PLXDC2: variants seen among roughly 807,000 people sequenced by gnomAD.
PLXDC2 encodes plexin domain-containing protein 2.
Under a neutral mutation model 68.9 loss-of-function variants are expected in PLXDC2, and 40 were observed. The ratio of observed to expected loss-of-function variants is 0.58; its 90% CI spans 0.45 to 0.76. PLXDC2 has a LOEUF of 0.76. Among genes scored for constraint, PLXDC2 ranks in the 30% least tolerant of loss-of-function variants. The probability of loss-of-function intolerance (pLI) is 0.00; values close to 1 mark genes in which losing one functional copy is unlikely to be tolerated. For synonymous variants in PLXDC2, 243 were observed against 234.2 expected (o/e 1.04, Z -0.34); for missense variants, 644 against 661.9 (o/e 0.97, Z 0.30).
At chr10:19,894,630 C>T (rs188674142) in intron 1 of PLXDC2, among the ~76,000 whole-genome samples, 19 of 152,204 alleles carry the variant, frequency 1.2e-4, no homozygotes, top group Admixed American at 1.2e-3. Flanking sequence ...AATGTTACAT[C>T]AGCACTATCA....
intron 1 of PLXDC2, among the ~76,000 whole-genome samples, chr10:19,920,906 T>A (rs1833452136): frequency 2.0e-5 from 3 of 151,896 alleles, no homozygotes; most frequent in Non-Finnish European, 4.4e-5. Context: ...TTGTATGATT[T>A]TTATTATTTT....
intron 13 of PLXDC2, among the ~76,000 whole-genome samples, chr10:20,274,378 G>T (rs1256892889): frequency 6.6e-6 from 1 of 152,180 alleles, no homozygotes; most frequent in African/African-American, 2.4e-5. Context: ...AACCCTAGAA[G>T]AGAGCTGATC....
intron 4 of PLXDC2, among the ~76,000 whole-genome samples, chr10:20,098,751 C>T (rs1035314478): frequency 1.3e-5 from 2 of 152,106 alleles, no homozygotes; most frequent in Admixed American, 6.6e-5. Context: ...CTCTACACTC[C>T]GTGCAGCCCT....
Position 20,096,682 on chromosome 10 carries a change from G to T in PLXDC2, c.541+28443G>T, listed in dbSNP as rs533636653. Among the ~76,000 whole-genome samples, 11 of 152,136 alleles carry T rather than the reference G, an allele frequency of 7.2e-5. No homozygotes were observed. In the South Asian group the frequency reaches 2.3e-3, roughly 32 times the overall value. On this transcript the variant is annotated intron_variant, in intron 4 of 13. Transcript: ENST00000377252. ...AATAATTTAGGCCTAAGGACCTCAA[G>T]CTTATATTCTATATGAATTATTAAT... is the stretch of plus-strand genomic sequence containing the variant.
Position 19,816,898 on chromosome 10 carries a change from A to G in PLXDC2, c.-182A>G. The G allele has an allele frequency of 1.7e-6, 1 of 600,010 alleles. No individual in the cohort carries two copies. Among genetic ancestry groups the G allele is most frequent in the Non-Finnish European group, 3.0e-6 (1 of 337,968 alleles). The allele number at this position is 600,010 out of a possible 1,614,324, so 37.2% of individuals were successfully genotyped here. A position where few individuals can be genotyped will look rare whatever the true frequency, so the allele number is the denominator to read the frequency against. ...GAGGTCCGAAGAGCGCTGCGCTCCT[A>G]CTCGCGTTCGCTTCTTCCTCTTCTC... On this transcript the variant is annotated 5_prime_UTR_variant, in exon 1 of 14. Coordinates refer to ENST00000377252, the MANE Select transcript of PLXDC2 (RefSeq NM_032812.9).
chr10:20,017,106 G>T (rs1835225873), intron 2 of PLXDC2, among the ~76,000 whole-genome samples: 1 of 152,130 alleles, frequency 6.6e-6, no homozygotes, highest in African/African-American at 2.4e-5. Flanking sequence ...GAGATAAATA[G>T]AGAGAGAGAA....
chr10:19,841,428 C>A (rs1589495263), intron 1 of PLXDC2, among the ~76,000 whole-genome samples: 1 of 151,184 alleles, frequency 6.6e-6, no homozygotes, highest in African/African-American at 2.4e-5. Context: ...GAAGGCAATT[C>A]TGTTCATTAT....
intron 1 of PLXDC2, among the ~76,000 whole-genome samples, chr10:19,875,548 A>G (rs1837615731): frequency 6.6e-6 from 1 of 152,236 alleles, no homozygotes; most frequent in African/African-American, 2.4e-5. Context: ...TTAGCTAGAA[A>G]ATAAAAGATA....
At chr10:20,036,947 A>G (rs1276465149) in intron 2 of PLXDC2, among the ~76,000 whole-genome samples, 8 of 152,238 alleles carry the variant, frequency 5.3e-5, no homozygotes, top group Non-Finnish European at 1.2e-4. Flanking sequence ...TGTACTAGGT[A>G]TTCAAACACA....
chr10:20,108,036 A>G (rs6482092), intron 4 of PLXDC2, among the ~76,000 whole-genome samples: 33,297 of 152,112 alleles, frequency 0.22, 4,903 homozygotes, highest in East Asian at 0.41. Flanking sequence ...ACTCCTTTAC[A>G]TAGATATCAT....
Position 19,837,214 on chromosome 10 carries a change from T to TA in PLXDC2, c.112+20031dup, listed in dbSNP as rs201342417. On this transcript the variant is annotated intron_variant, in intron 1 of 13. Transcript: ENST00000377252. ...CAAGACATTCCTCACCAGGTTGAAGTAAAAAAAAGAAATGAAGTGAAATAT... is the reference window on the plus strand; with the variant it reads ...CAAGACATTCCTCACCAGGTTGAAGTAAAAAAAAAGAAATGAAGTGAAATAT... 2.9e-3 allele frequency among the ~76,000 whole-genome samples: 434 copies of TA among 148,776 alleles called. 11 individuals are homozygous for TA. The East Asian group carries it at 0.054, about 19-fold the overall frequency.
At chr10:19,997,698 A>G (rs77680131) in intron 1 of PLXDC2, among the ~76,000 whole-genome samples, 1 of 152,194 alleles carries the variant, frequency 6.6e-6, no homozygotes, top group African/African-American at 2.4e-5. Context: ...AGAGTATGTG[A>G]TGACAAAAAA....
At chr10:19,905,602 A>G (rs1446539035) in intron 1 of PLXDC2, among the ~76,000 whole-genome samples, 2 of 152,126 alleles carry the variant, frequency 1.3e-5, no homozygotes, top group African/African-American at 4.8e-5. Context: ...CCCTATACTG[A>G]GTGCTTTTTG....
intron 12 of PLXDC2, among the ~76,000 whole-genome samples, chr10:20,242,406 A>G (rs1301651594): frequency 6.6e-6 from 1 of 152,196 alleles, no homozygotes; most frequent in Non-Finnish European, 1.5e-5. Flanking sequence ...AGAACTTTAT[A>G]TGTATTAAAT....
chr10:20,125,656 C>A (rs1442459403), intron 4 of PLXDC2, among the ~76,000 whole-genome samples: 1 of 152,104 alleles, frequency 6.6e-6, no homozygotes, highest in African/African-American at 2.4e-5. Flanking sequence ...CTCTATAGAG[C>A]TCTGATTTTA....
At chr10:19,975,437 G>A (rs1395801684) in intron 1 of PLXDC2, among the ~76,000 whole-genome samples, 3 of 152,154 alleles carry the variant, frequency 2.0e-5, no homozygotes, top group African/African-American at 7.2e-5. Flanking sequence ...CAGCCTGGGA[G>A]ACAGAGCGAG....
intron 4 of PLXDC2, among the ~76,000 whole-genome samples, chr10:20,133,152 T>A (rs978031206): frequency 6.6e-6 from 1 of 152,220 alleles, no homozygotes; most frequent in Non-Finnish European, 1.5e-5. Context: ...TTATCTTTTT[T>A]ATTATGTATT....
intron 7 of PLXDC2, 50 bp from the exon 8 acceptor site, chr10:20,176,949 T>C (rs768685002): frequency 7.4e-7 from 1 of 1,355,002 alleles, no homozygotes; most frequent in Non-Finnish European, 1.0e-6. Flanking sequence ...TGCTGTTGTT[T>C]TGTAAGCGAG....
intron 2 of PLXDC2, among the ~76,000 whole-genome samples, chr10:20,044,617 C>T (rs928155791): frequency 4.6e-5 from 7 of 151,734 alleles, no homozygotes; most frequent in Admixed American, 1.3e-4. Context: ...GCCTGCAATT[C>T]TTTCTTTAGC....
Sources: allele counts gnomAD v4.1 joint callset (sites outside exome capture counted in the v4.1 genomes callset), GRCh38; gene constraint gnomAD v4.1.1; transcripts MANE v1.5; gene names NCBI Gene and HGNC (gene_info 2026-07-23, HGNC 2026-07-21).